FRYL: variants seen among roughly 807,000 people sequenced by gnomAD.
FRYL encodes the protein protein furry homolog-like.
Under a neutral mutation model 351.2 loss-of-function variants are expected in FRYL, and 150 were observed. The ratio of observed to expected loss-of-function variants is 0.43; its 90% CI spans 0.37 to 0.49. The LOEUF is 0.49. FRYL is among the 20% of genes least tolerant of loss of function. The pLI, the probability that FRYL is intolerant of heterozygous loss-of-function variation, is 0.00. For missense variants in FRYL, 3,036 were observed against 3,619.3 expected, an observed-to-expected ratio of 0.84 and a Z score of 4.13; for synonymous variants, 1,153 against 1,257.1, an observed-to-expected ratio of 0.92 and a Z score of 1.75.
intron 1 of FRYL, among the ~76,000 whole-genome samples, chr4:48,741,709 T>C (rs913199235): frequency 1.3e-5 from 2 of 151,556 alleles, no homozygotes; most frequent in African/African-American, 4.8e-5. Flanking sequence ...ATAATAATAA[T>C]AATAATAATA....
At chr4:48,727,652 T>C (rs1216299594) in intron 1 of FRYL, among the ~76,000 whole-genome samples, 1 of 152,022 alleles carries the variant, frequency 6.6e-6, no homozygotes, top group East Asian at 1.9e-4. Context: ...CCCCCCTACT[T>C]CCAAAAGAGA....
chr4:48,756,481 G>C (rs1051309956), intron 1 of FRYL, among the ~76,000 whole-genome samples: 2 of 151,940 alleles, frequency 1.3e-5, no homozygotes, highest in African/African-American at 4.8e-5. Flanking sequence ...CTGTTGTTTG[G>C]TATTTGTTGC....
intron 59 of FRYL, chr4:48,505,846 C>A: frequency 2.3e-6 from 1 of 432,538 alleles, no homozygotes; most frequent in Non-Finnish European, 4.1e-6. Context: ...CTAACAAAAC[C>A]CATTCCATTC....
intron 1 of FRYL, among the ~76,000 whole-genome samples, chr4:48,761,003 CTGTCTGTGTGTG>C (rs1253478496): frequency 4.9e-4 from 60 of 121,688 alleles, no homozygotes; most frequent in Middle Eastern, 4.0e-3. Context: ...TATTATTACT[CTGTCTGTGTGTG>C]TGTGTGTGTG....
chr4:48,642,300 T>A (rs528941361), intron 3 of FRYL, among the ~76,000 whole-genome samples: 1 of 152,344 alleles, frequency 6.6e-6, no homozygotes, highest in South Asian at 2.1e-4. Context: ...GACATCTTTA[T>A]ATTATAAAAC....
intron 1 of FRYL, among the ~76,000 whole-genome samples, chr4:48,750,854 T>A (rs1249122487): frequency 6.6e-6 from 1 of 152,178 alleles, no homozygotes; most frequent in Non-Finnish European, 1.5e-5. Context: ...CCAATTATCA[T>A]GAGCTTACAT....
chr4:48,608,933 A>T, intron 9 of FRYL, 54 bp downstream of exon 9: 2 of 1,061,148 alleles, frequency 1.9e-6, no homozygotes, highest in Non-Finnish European at 3.0e-6. Flanking sequence ...TTCATTGGTA[A>T]TGAAGCATTC....
At chr4:48,544,439 T>C (rs1043001516) in intron 43 of FRYL, among the ~76,000 whole-genome samples, 3 of 152,206 alleles carry the variant, frequency 2.0e-5, no homozygotes, top group African/African-American at 7.2e-5. Context: ...TCAGAATGTG[T>C]TGAATTTTAG....
chr4:48,499,928 A>G, intron 63 of FRYL, 102 bp downstream of exon 63: 1 of 911,476 alleles, frequency 1.1e-6, no homozygotes. Context: ...TTTCTTTCAC[A>G]AAGACATGAT....
At chr4:48,660,817 T>C (rs182866348) in intron 3 of FRYL, among the ~76,000 whole-genome samples, 2 of 152,016 alleles carry the variant, frequency 1.3e-5, no homozygotes, top group Non-Finnish European at 2.9e-5. Flanking sequence ...CTAACCATTA[T>C]AAAGAAAAAA....
At chr4:48,569,067 T>G (rs1737607070) in intron 27 of FRYL, among the ~76,000 whole-genome samples, 1 of 152,222 alleles carries the variant, frequency 6.6e-6, no homozygotes, top group South Asian at 2.1e-4. Context: ...TCAAAAATCA[T>G]TATTGCTTAA....
chr4:48,706,159 T>G (rs1304597099), intron 2 of FRYL, among the ~76,000 whole-genome samples: 1 of 152,152 alleles, frequency 6.6e-6, no homozygotes, highest in Non-Finnish European at 1.5e-5. Flanking sequence ...GTAGACTGAA[T>G]TGAAAGACTT....
chr4:48,549,491 G>C lies in FRYL; in HGVS notation c.4766C>G (p.Pro1589Arg), dbSNP rs772901126. 2 of 1,612,904 alleles carry C rather than the reference G, an allele frequency of 1.2e-6. No homozygotes were observed. The highest frequency in any genetic ancestry group is 8.5e-7 in the Non-Finnish European group (1 of 1,179,424). Residue 1589 changes from proline (P) to arginine (R), a missense_variant, in exon 39 of 64, where the codon CCT becomes CGT. Pro to Arg is a moderately radical substitution (Grantham distance 103). Around this residue, in one of 7 missense-constraint regions of FRYL, gnomAD observed 1,987 missense variants for 2,311.7 expected, o/e 0.86. Coordinates refer to ENST00000358350, the MANE Select transcript of FRYL (RefSeq NM_015030.2). The surrounding 1 kb of genome is among the most constrained non-coding windows in gnomAD (Gnocchi z 4.2). ...LVDYVPETSS[P>R]GLPLHRCNIA... ...AGTCCACCTGTGAAGAGGTAATCCA[G>C]GTGATGACGTTTCAGGCACGTAATC... is the stretch of plus-strand genomic sequence containing the variant.
intron 1 of FRYL, among the ~76,000 whole-genome samples, chr4:48,713,485 T>A (rs931339897): frequency 2.6e-4 from 40 of 152,042 alleles, no homozygotes; most frequent in African/African-American, 8.7e-4. Context: ...TCTCTGATAA[T>A]ACAGACTTTA....
At chr4:48,576,362 G>C in intron 23 of FRYL, 140 bp from the exon 24 acceptor site, 1 of 610,440 alleles carries the variant, frequency 1.6e-6, no homozygotes, top group Non-Finnish European at 2.6e-6. Flanking sequence ...AGTGCAACTG[G>C]CATAATCTTG....
chr4:48,739,492 G>C lies in FRYL; in HGVS notation c.-383-28794C>G, dbSNP rs146602826. Among the ~76,000 whole-genome samples, 428 of 150,908 alleles carry C rather than the reference G, an allele frequency of 2.8e-3. 1 individual carries two copies. The highest frequency in any genetic ancestry group is 9.9e-3 in the African/African-American group (407 of 41,128). On this transcript the variant is annotated intron_variant, in intron 1 of 63. Coordinates refer to ENST00000358350, the MANE Select transcript of FRYL (RefSeq NM_015030.2). Reference sequence around the variant, plus strand: ...GATAGCCTTTTGAACAAATTGTACTGAAACAACTGGACATTCACATGCAAA... The same window carrying C: ...GATAGCCTTTTGAACAAATTGTACTCAAACAACTGGACATTCACATGCAAA...
Position 48,528,354 on chromosome 4 carries a change from GT to G in FRYL, c.6904-19del. On this transcript the variant is annotated intron_variant, in intron 50 of 63. Transcript: ENST00000358350. ...ATTGGTGTCTACACAGAAACAAAATGTCAGTGTTTGGCTCAAATATTTCAAC... is the reference window on the plus strand; with the variant it reads ...ATTGGTGTCTACACAGAAACAAAATGCAGTGTTTGGCTCAAATATTTCAAC... 2.5e-6 allele frequency: 4 copies of G among 1,579,132 alleles called. No homozygotes were observed. Among genetic ancestry groups the G allele is most frequent in the Non-Finnish European group, 3.4e-6 (4 of 1,160,608 alleles).
chr4:48,742,734 C>G (rs1772231788), intron 1 of FRYL, among the ~76,000 whole-genome samples: 2 of 152,102 alleles, frequency 1.3e-5, no homozygotes, highest in Admixed American at 1.3e-4. Context: ...ACACATAATA[C>G]CAATTGTTTA....
chr4:48,626,653 G>A (rs1323049150), intron 4 of FRYL, among the ~76,000 whole-genome samples: 3 of 151,920 alleles, frequency 2.0e-5, no homozygotes, highest in Admixed American at 2.0e-4. Flanking sequence ...AGAATTTCAG[G>A]ATGATTTTCT....
Sources: gnomAD v4.1 joint callset for allele counts (sites outside exome capture counted in the v4.1 genomes callset) on GRCh38, gnomAD v4.1.1 for gene constraint, gnomAD v4.1.1 regional missense constraint, Gnocchi (gnomAD v3.1) non-coding constraint, MANE v1.5 for transcripts, NCBI Gene and HGNC (gene_info 2026-07-23, HGNC 2026-07-21) for gene names.